RAB30: variants seen among roughly 807,000 people sequenced by gnomAD.
The protein encoded by RAB30 is ras-related protein Rab-30.
RAB30 carries 9 observed loss-of-function variants against 25.1 expected under a neutral mutation model. The ratio of observed to expected loss-of-function variants is 0.36; its 90% confidence interval spans 0.22 to 0.63. RAB30 has a LOEUF of 0.63. Among genes scored for constraint, RAB30 ranks in the 20% least tolerant of loss-of-function variants. The pLI is 0.69. For synonymous variants in RAB30, 77 were observed against 86.4 expected, an observed-to-expected ratio of 0.89 and a Z score of 0.60; for missense variants, 140 against 243.5, an observed-to-expected ratio of 0.58 and a Z score of 2.83.
chr11:82,997,123 C>T (rs1856975905), intron 2 of RAB30, 101 bp downstream of exon 2: 6 of 917,690 alleles, frequency 6.5e-6, no homozygotes, highest in Non-Finnish European at 1.0e-5. Flanking sequence ...AAGACCCTGG[C>T]ATTGAAACTG....
rs1024701785 is a variant in RAB30, at chr11:82,980,982, G to A, written c.*1183C>T. On this transcript the variant is annotated 3_prime_UTR_variant, in exon 5 of 5. Coordinates refer to ENST00000527633, the MANE Select transcript of RAB30 (RefSeq NM_001286060.2). The stretch of plus-strand genomic sequence containing the variant: ...AAATGACAGTTCAATCTGCTTCCAC[G>A]AGCAGAATTTTTCTAAGGTTATCAT... 2 of 152,132 alleles carry A rather than the reference G, an allele frequency of 1.3e-5. No individual in the cohort carries two copies. Among genetic ancestry groups the A allele is most frequent in the African/African-American group, 4.8e-5 (2 of 41,420 alleles). The allele number at this position is 152,132 out of a possible 1,614,324, so 9.4% of individuals were successfully genotyped here. A position where few individuals can be genotyped will look rare whatever the true frequency, so the allele number is the denominator to read the frequency against.
chr11:83,001,972 G>A (rs1285151040), intron 1 of RAB30, among the ~76,000 whole-genome samples: 1 of 152,110 alleles, frequency 6.6e-6, no homozygotes, highest in African/African-American at 2.4e-5. Flanking sequence ...ACTCTATGAT[G>A]TAAGTACTCA....
At chr11:83,029,502 A>G (rs1857803776) in intron 1 of RAB30, among the ~76,000 whole-genome samples, 1 of 151,988 alleles carries the variant, frequency 6.6e-6, no homozygotes, top group Non-Finnish European at 1.5e-5. Flanking sequence ...TCTGGGATGC[A>G]GCAAACCACC....
intron 4 of RAB30, among the ~76,000 whole-genome samples, chr11:82,982,974 A>G (rs1470778267): frequency 6.6e-6 from 1 of 152,042 alleles, no homozygotes; most frequent in Non-Finnish European, 1.5e-5. Context: ...CATCCACCCA[A>G]TGGAGTATTT....
chr11:83,000,980 G>A (rs1351552778), intron 1 of RAB30, among the ~76,000 whole-genome samples: 1 of 142,358 alleles, frequency 7.0e-6, no homozygotes, highest in Non-Finnish European at 1.5e-5. Context: ...CCAGAAGGCA[G>A]AGCTTGCAGT....
intron 1 of RAB30, among the ~76,000 whole-genome samples, chr11:83,004,573 G>A (rs115864752): frequency 0.035 from 5,350 of 152,232 alleles, 331 homozygotes; most frequent in African/African-American, 0.12. Flanking sequence ...ACTTCAAGAA[G>A]GCATCATAGG....
intron 1 of RAB30, among the ~76,000 whole-genome samples, chr11:83,003,315 C>G (rs970458030): frequency 2.6e-5 from 4 of 152,106 alleles, no homozygotes; most frequent in African/African-American, 9.7e-5. Context: ...GCAGAAAATA[C>G]AGACAAGCAA....
chr11:82,997,261 C>T lies in RAB30; in HGVS notation c.56G>A (p.Gly19Asp). The T allele has an allele frequency of 6.2e-7, 1 of 1,612,964 alleles. No homozygotes were observed. Among genetic ancestry groups the T allele is most frequent in the South Asian group, 1.1e-5 (1 of 91,044 alleles). Residue 19 changes from glycine (G) to aspartate (D), a missense_variant, in exon 2 of 5, where the codon GGT becomes GAT. Coordinates refer to ENST00000527633, the MANE Select transcript of RAB30 (RefSeq NM_001286060.2). Reference protein sequence around the residue: ...LFKIVLIGNAGVGKTCLVRRF... With the variant: ...LFKIVLIGNADVGKTCLVRRF... ...TCGGACGAGGCACGTCTTCCCCACA[C>T]CAGCGTTGCCAATTAAAACAATTTT...
At chr11:83,018,564 T>G (rs908112332) in intron 1 of RAB30, among the ~76,000 whole-genome samples, 10 of 152,210 alleles carry the variant, frequency 6.6e-5, no homozygotes, top group East Asian at 1.9e-4. Context: ...GCTGATTTGT[T>G]TGAGTTCCTT....
At chr11:83,049,360 G>A (rs1019938306) in intron 1 of RAB30, among the ~76,000 whole-genome samples, 13 of 149,576 alleles carry the variant, frequency 8.7e-5, no homozygotes, top group Non-Finnish European at 1.2e-4. Flanking sequence ...GCAGTGAGCC[G>A]AGATTAAGCC....
chr11:83,016,606 A>C (rs1252114366), intron 1 of RAB30, among the ~76,000 whole-genome samples: 1 of 152,214 alleles, frequency 6.6e-6, no homozygotes, highest in Non-Finnish European at 1.5e-5. Context: ...AATGTGCCCA[A>C]GGCTAACAAA....
At chr11:82,991,657 T>A (rs892446465) in intron 3 of RAB30, among the ~76,000 whole-genome samples, 2 of 152,210 alleles carry the variant, frequency 1.3e-5, no homozygotes, top group African/African-American at 4.8e-5. Flanking sequence ...ACCCTGTATC[T>A]TTATTTTATA....
chr11:83,020,807 G>T (rs537033935), intron 1 of RAB30, among the ~76,000 whole-genome samples: 1 of 152,282 alleles, frequency 6.6e-6, no homozygotes, highest in African/African-American at 2.4e-5. Flanking sequence ...GCTGAGAGCT[G>T]CAGACAATGG....
intron 3 of RAB30, among the ~76,000 whole-genome samples, chr11:82,992,016 A>G (rs1051558167): frequency 3.9e-5 from 6 of 152,232 alleles, no homozygotes; most frequent in African/African-American, 1.4e-4. Flanking sequence ...ACCCTTATTT[A>G]TGGCCAGTGC....
Position 82,981,933 on chromosome 11 carries a change from G to C in RAB30, c.*232C>G, listed in dbSNP as rs1208550737. On this transcript the variant is annotated 3_prime_UTR_variant, in exon 5 of 5. Transcript: ENST00000527633. ...TGCTCTGCAGATCATGGAGTGCCTA[G>C]TGCAATTTTCTCCTTGCTCCAACTC... 5.3e-6 allele frequency: 3 copies of C among 563,200 alleles called. No individual in the cohort carries two copies. The East Asian group carries it at 9.2e-5, about 17-fold the overall frequency. The allele number at this position is 563,200 out of a possible 1,614,324, so 34.9% of individuals were successfully genotyped here.
chr11:83,009,403 C>T (rs1192339842), intron 1 of RAB30, among the ~76,000 whole-genome samples: 1 of 152,150 alleles, frequency 6.6e-6, no homozygotes, highest in Non-Finnish European at 1.5e-5. Flanking sequence ...TAAGTAGTCT[C>T]TTTCAAAGAG....
At chr11:83,019,807 GA>G (rs1857525023) in intron 1 of RAB30, among the ~76,000 whole-genome samples, 2 of 152,306 alleles carry the variant, frequency 1.3e-5, no homozygotes, top group South Asian at 4.1e-4. Flanking sequence ...TAGCTTAATG[GA>G]ATGATTCAGA....
intron 1 of RAB30, among the ~76,000 whole-genome samples, chr11:82,999,233 T>C (rs1229673041): frequency 1.3e-5 from 2 of 152,212 alleles, no homozygotes. Context: ...GTTTTACAGA[T>C]TAGTGAACTG....
chr11:83,046,331 C>G (rs1456363825), intron 1 of RAB30, among the ~76,000 whole-genome samples: 1 of 152,126 alleles, frequency 6.6e-6, no homozygotes, highest in Admixed American at 6.5e-5. Context: ...GGATCCTTTT[C>G]TAAGTGTCAC....
Sources: gnomAD v4.1 joint callset for allele counts (sites outside exome capture counted in the v4.1 genomes callset) on GRCh38, gnomAD v4.1.1 for gene constraint, MANE v1.5 for transcripts, NCBI Gene and HGNC (gene_info 2026-07-23, HGNC 2026-07-21) for gene names.